RHBDL2: variants seen among roughly 807,000 people sequenced by gnomAD.
RHBDL2 encodes the protein rhomboid like 2, also known as rhomboid-related protein 2.
Under a neutral mutation model 31.7 loss-of-function variants are expected in RHBDL2, and 26 were observed. The observed-to-expected ratio is 0.82, with a 90% CI of 0.60 to 1.14. The LOEUF is 1.14. Among genes scored for constraint, RHBDL2 ranks in the 50% most tolerant of loss-of-function variants. RHBDL2 has a pLI of 0.00. For synonymous variants in RHBDL2, 123 were observed against 127.2 expected (o/e 0.97, Z 0.22); for missense variants, 336 against 364.4 (o/e 0.92, Z 0.63).
chr1:38,933,223 T>C (rs935210325), intron 1 of RHBDL2, among the ~76,000 whole-genome samples: 12 of 152,136 alleles, frequency 7.9e-5, no homozygotes, highest in South Asian at 2.1e-4. Context: ...TCTTCTCCTG[T>C]CTCAAGGTCT....
intron 6 of RHBDL2, 111 bp downstream of exon 6, chr1:38,893,053 T>C: frequency 1.6e-6 from 1 of 623,484 alleles, no homozygotes; most frequent in Non-Finnish European, 2.9e-6. Flanking sequence ...CCCAGGTCTG[T>C]GTGTATGCCC....
chr1:38,887,665 C>T (rs902680967), intron 7 of RHBDL2, among the ~76,000 whole-genome samples: 14 of 152,096 alleles, frequency 9.2e-5, no homozygotes, highest in South Asian at 2.1e-4. Flanking sequence ...CCCTGTGATC[C>T]GCCGATCTTG....
At position 38,905,344 on chromosome 1, in the gene RHBDL2, C is replaced by T. The variant is rs12095106; in HGVS notation, c.508+5978G>A. Among the ~76,000 whole-genome samples the T allele has an allele frequency of 1.9e-3, 283 of 152,132 alleles. 2 individuals carry two copies. The highest frequency in any genetic ancestry group is 6.3e-3 in the African/African-American group (260 of 41,550). On this transcript the variant is annotated intron_variant, in intron 4 of 7. Transcript: ENST00000372990. Reference sequence around the variant, plus strand: ...CCTCCCATAGTGCTGGGATTATAGGCATGAGCCATTGTGCCCAGCCTTATT... The same window carrying T: ...CCTCCCATAGTGCTGGGATTATAGGTATGAGCCATTGTGCCCAGCCTTATT...
chr1:38,912,534 C>T (rs1305769418), intron 3 of RHBDL2, among the ~76,000 whole-genome samples: 1 of 152,002 alleles, frequency 6.6e-6, no homozygotes, highest in Non-Finnish European at 1.5e-5. Flanking sequence ...CCTCAGCCTC[C>T]CCAGCAGCTG....
At chr1:38,891,701 G>A (rs764502936) in intron 6 of RHBDL2, among the ~76,000 whole-genome samples, 7 of 152,172 alleles carry the variant, frequency 4.6e-5, no homozygotes, top group Non-Finnish European at 7.4e-5. Context: ...AAATATTAGC[G>A]TTCTTATATT....
At chr1:38,924,707 G>A (rs1246880683) in intron 1 of RHBDL2, among the ~76,000 whole-genome samples, 1 of 151,586 alleles carries the variant, frequency 6.6e-6, no homozygotes, top group Non-Finnish European at 1.5e-5. Flanking sequence ...ACTTGAAAGG[G>A]CAGGACTGTG....
chr1:38,895,104 T>C (rs1198819279), intron 5 of RHBDL2, among the ~76,000 whole-genome samples: 1 of 152,212 alleles, frequency 6.6e-6, no homozygotes, highest in East Asian at 1.9e-4. Context: ...GGTGCATCTA[T>C]ATAGAGGATG....
At chr1:38,894,662 AG>A (rs1272529144) in intron 5 of RHBDL2, among the ~76,000 whole-genome samples, 4 of 151,916 alleles carry the variant, frequency 2.6e-5, no homozygotes, top group Non-Finnish European at 4.4e-5. Flanking sequence ...AAATGCAAAA[AG>A]ATAAATGTAA....
At chr1:38,891,110 A>G (rs1340694287) in intron 6 of RHBDL2, among the ~76,000 whole-genome samples, 4 of 151,990 alleles carry the variant, frequency 2.6e-5, no homozygotes, top group African/African-American at 9.7e-5. Context: ...CTCTACTAAA[A>G]ATACAATAAT....
At position 38,919,056 on chromosome 1, in the gene RHBDL2, T is replaced by G. The variant is rs1643275588; in HGVS notation, c.157A>C (p.Met53Leu). 6.2e-7 allele frequency: 1 copy of G among 1,614,166 alleles called. No homozygotes were observed. The highest frequency in any genetic ancestry group is 8.5e-7 in the Non-Finnish European group (1 of 1,180,036). The change falls in exon 2 of 8, where the codon ATG becomes CTG. Residue 53 changes from methionine (M) to leucine (L), a missense_variant. By Grantham distance (15) the Met-to-Leu change is conservative (BLOSUM62 2). Coordinates refer to ENST00000372990, the MANE Select transcript of RHBDL2 (RefSeq NM_017821.5). ...GTTCCTCGGGACTTTTCGGGCAGCATCCATTTTGAGACAATCCTGTGGACC... is the reference window on the plus strand; with the variant it reads ...GTTCCTCGGGACTTTTCGGGCAGCAGCCATTTTGAGACAATCCTGTGGACC... ...KKVHRIVSKW[M>L]LPEKSRGTYL...
chr1:38,926,215 A>C (rs1468810883), intron 1 of RHBDL2: 1 of 1,107,476 alleles, frequency 9.0e-7, no homozygotes, highest in Non-Finnish European at 1.1e-6. Flanking sequence ...AATTCTTTAC[A>C]GTGGTTGCAG....
At chr1:38,934,414 T>C (rs1425168836) in intron 1 of RHBDL2, among the ~76,000 whole-genome samples, 3 of 151,414 alleles carry the variant, frequency 2.0e-5, no homozygotes, top group African/African-American at 7.3e-5. Context: ...CCCAGCACTT[T>C]GGGAGGACGA....
At chr1:38,892,151 C>T (rs1003463443) in intron 6 of RHBDL2, among the ~76,000 whole-genome samples, 3 of 152,318 alleles carry the variant, frequency 2.0e-5, no homozygotes, top group South Asian at 2.1e-4. Flanking sequence ...CCCTCTTGGT[C>T]TGGGCTTCTT....
At chr1:38,926,163 C>A in intron 1 of RHBDL2, 7 of 1,078,382 alleles carry the variant, frequency 6.5e-6, no homozygotes, top group Non-Finnish European at 8.0e-6. Flanking sequence ...CAATCAGCTG[C>A]ATTTGCTTAG....
intron 2 of RHBDL2, among the ~76,000 whole-genome samples, chr1:38,917,109 C>T (rs1210343857): frequency 6.7e-6 from 1 of 149,560 alleles, no homozygotes; most frequent in Non-Finnish European, 1.5e-5. Flanking sequence ...GTTCTGCCTC[C>T]TGGGTTCACG....
rs867715165 is a variant in RHBDL2 at position 38,912,900 on chromosome 1, A to G, written c.396-1466T>C. 4.1e-5 allele frequency among the ~76,000 whole-genome samples: 4 copies of G among 98,496 alleles called. No homozygotes were observed. In the East Asian group the frequency reaches 7.5e-4, roughly 19 times the overall value. 64.6% of individuals were successfully genotyped at this position (98,496 alleles called of 152,430 possible). ...CCATATACCATATATATATATATAT[A>G]TATATATATATGTGTGTGTGTGTGT... On this transcript the variant is annotated intron_variant, in intron 3 of 7. Transcript: ENST00000372990.
At chr1:38,902,073 T>C (rs540184654) in intron 4 of RHBDL2, among the ~76,000 whole-genome samples, 1 of 151,782 alleles carries the variant, frequency 6.6e-6, no homozygotes, top group East Asian at 1.9e-4. Context: ...TTTTCAAATG[T>C]ACAAAGAACA....
Position 38,886,815 on chromosome 1 carries a change from G to A in RHBDL2, c.733-132C>T, listed in dbSNP as rs973032236. The A allele has an allele frequency of 2.0e-5, 12 of 611,344 alleles. No individual in the cohort carries two copies. In the African/African-American group the frequency reaches 2.1e-4, roughly 11 times the overall value. 37.9% of individuals were successfully genotyped at this position (611,344 alleles called of 1,614,324 possible). A position where few individuals can be genotyped will look rare whatever the true frequency, so the allele number is the denominator to read the frequency against. On this transcript the variant is annotated intron_variant, in intron 7 of 7. Transcript: ENST00000372990. ...AGTCTTAAAGGTCTAGAGAACTAGG[G>A]GTAAGGCAAAAGAGACACAAAACTC...
intron 4 of RHBDL2, among the ~76,000 whole-genome samples, chr1:38,909,778 TA>T (rs1643116390): frequency 6.6e-6 from 1 of 152,150 alleles, no homozygotes; most frequent in Middle Eastern, 3.4e-3. Context: ...TAAATTAAAT[TA>T]AAAAATAAAA....
Sources: gnomAD v4.1 joint callset for allele counts (sites outside exome capture counted in the v4.1 genomes callset) on GRCh38, gnomAD v4.1.1 for gene constraint, MANE v1.5 for transcripts, NCBI Gene and HGNC (gene_info 2026-07-23, HGNC 2026-07-21) for gene names.